TJP1: variants seen among roughly 807,000 people sequenced by gnomAD.
TJP1 encodes the protein tight junction protein ZO-1.
Under a neutral mutation model 194.2 loss-of-function variants are expected in TJP1, and 43 were observed. The ratio of observed to expected loss-of-function variants is 0.22; its 90% confidence interval spans 0.17 to 0.29. TJP1 has a LOEUF of 0.29. Ranked by LOEUF, TJP1 falls within the 10% of genes least tolerant of loss-of-function variation. TJP1 has a pLI of 1.00. For synonymous variants in TJP1, 801 were observed against 779.0 expected, an observed-to-expected ratio of 1.03 and a Z score of -0.47; for missense variants, 1,971 against 2,185.7, an observed-to-expected ratio of 0.90 and a Z score of 1.96.
chr15:29,787,093 T>C (rs923390483), intron 2 of TJP1, among the ~76,000 whole-genome samples: 7 of 152,246 alleles, frequency 4.6e-5, no homozygotes, highest in African/African-American at 1.4e-4. Flanking sequence ...TTGGAGCTGC[T>C]TGACCGATAA....
At chr15:29,847,546 G>A (rs1226543278) in intron 2 of TJP1, among the ~76,000 whole-genome samples, 2 of 152,104 alleles carry the variant, frequency 1.3e-5, no homozygotes, top group Admixed American at 6.6e-5. Flanking sequence ...AGCACTTTGC[G>A]AGGCTGAGGT....
intron 2 of TJP1, among the ~76,000 whole-genome samples, chr15:29,848,791 G>A (rs149757801): frequency 2.8e-3 from 416 of 151,218 alleles, no homozygotes; most frequent in African/African-American, 9.5e-3. Flanking sequence ...CCAGGGAGGC[G>A]GAGGTTGCAG....
chr15:29,710,552 T>C (rs1175700739), intron 24 of TJP1, among the ~76,000 whole-genome samples: 1 of 152,230 alleles, frequency 6.6e-6, no homozygotes, highest in Non-Finnish European at 1.5e-5. Flanking sequence ...TAGTAGGTTT[T>C]ACAAACCATC....
At chr15:29,747,195 G>C (rs943388261) in intron 8 of TJP1, among the ~76,000 whole-genome samples, 1 of 152,144 alleles carries the variant, frequency 6.6e-6, no homozygotes. Context: ...TGAGGCACAA[G>C]AATCGCTTAA....
chr15:29,775,032 ATGAGCAGTGTG>A (rs1385730065), intron 2 of TJP1, among the ~76,000 whole-genome samples: 1 of 151,712 alleles, frequency 6.6e-6, no homozygotes, highest in African/African-American at 2.4e-5. Context: ...GCACACCGTT[ATGAGCAGTGTG>A]ATGAAATATT....
intron 1 of TJP1, among the ~76,000 whole-genome samples, chr15:29,817,605 G>A (rs906938774): frequency 6.6e-6 from 1 of 152,118 alleles, no homozygotes; most frequent in Non-Finnish European, 1.5e-5. Context: ...ATGACAGATT[G>A]GATAAAGAAA....
intron 2 of TJP1, among the ~76,000 whole-genome samples, chr15:29,893,404 C>T (rs952808448): frequency 8.5e-5 from 13 of 152,162 alleles, no homozygotes; most frequent in Non-Finnish European, 1.3e-4. Flanking sequence ...AGAGGACTGG[C>T]TCCAGTTTTG....
intron 5 of TJP1, among the ~76,000 whole-genome samples, chr15:29,764,318 G>A (rs1351105227): frequency 6.6e-6 from 1 of 152,146 alleles, no homozygotes; most frequent in African/African-American, 2.4e-5. Flanking sequence ...TGCATGGGGT[G>A]AGTGACGGCT....
At chr15:29,845,456 A>C (rs2051371387) in intron 2 of TJP1, among the ~76,000 whole-genome samples, 1 of 152,192 alleles carries the variant, frequency 6.6e-6, no homozygotes, top group Non-Finnish European at 1.5e-5. Flanking sequence ...TGGAGTGACA[A>C]GAAGACACAC....
At chr15:29,699,720 T>C (rs1262075647), downstream of TJP1, 4 of 152,310 alleles carry the variant, frequency 2.6e-5, no homozygotes, top group Non-Finnish European at 5.9e-5. Flanking sequence ...ATGTCCACAA[T>C]GGAATATTTA....
intron 22 of TJP1, among the ~76,000 whole-genome samples, chr15:29,717,593 T>C (rs2042644958): frequency 6.6e-6 from 1 of 152,218 alleles, no homozygotes; most frequent in Non-Finnish European, 1.5e-5. Flanking sequence ...CACCTCATTA[T>C]GCTGATGTGC....
Position 29,708,858 on chromosome 15 carries a change from C to CCT in TJP1, c.4550_4551insAG (p.Lys1518GlyfsTer59), listed in dbSNP as rs1466665125. On this transcript the variant is annotated frameshift_variant, in exon 25 of 28. Coordinates refer to ENST00000614355, the MANE Select transcript of TJP1 (RefSeq NM_001330239.4). LOFTEE classifies it high-confidence loss of function. Reference sequence around the variant, plus strand: ...GATTGTATGCTGGAGTGACTGTTTTCTGAGTCTGTTCAGTTCCATTAACTG... The same window carrying CCT: ...GATTGTATGCTGGAGTGACTGTTTTCCTTGAGTCTGTTCAGTTCCATTAACTG... 8.7e-6 allele frequency: 14 copies of CCT among 1,614,126 alleles called. No homozygotes were observed. The highest frequency in any genetic ancestry group is 1.2e-5 in the Non-Finnish European group (14 of 1,180,010).
chr15:29,898,794 A>G (rs1294086855), intron 2 of TJP1, among the ~76,000 whole-genome samples: 1 of 152,230 alleles, frequency 6.6e-6, no homozygotes, highest in Non-Finnish European at 1.5e-5. Flanking sequence ...AAAATTCAAC[A>G]TACTTTTTCA....
rs1428935791 is a variant in TJP1, at chr15:29,705,399, A to C, written c.5068+129T>G. On this transcript the variant is annotated intron_variant, in intron 26 of 27. Coordinates refer to ENST00000614355, the MANE Select transcript of TJP1 (RefSeq NM_001330239.4). ...TTGCTTGCAACACCGTCCCCAGGGC[A>C]CCCCTCGCTACAGCACTCATCTGGA... 4 of 942,626 alleles carry C rather than the reference A, an allele frequency of 4.2e-6. No homozygotes were observed. In the Admixed American group the frequency reaches 1.0e-4, roughly 24 times the overall value. 58.4% of individuals were successfully genotyped at this position (942,626 alleles called of 1,614,324 possible).
chr15:29,781,784 T>G lies in TJP1; in HGVS notation c.85-8427A>C, dbSNP rs146914826. Among the ~76,000 whole-genome samples the G allele has an allele frequency of 2.0e-5, 3 of 152,206 alleles. No individual in the cohort carries two copies. The East Asian group carries it at 5.8e-4, about 29-fold the overall frequency. ...TCAACTCCCTTCATCTTAAGAACTC[T>G]CAATAAACTAGGCATTGAAATTGAA... On this transcript the variant is annotated intron_variant, in intron 2 of 27. Transcript: ENST00000614355.
At chr15:29,932,524 T>A (rs1372107174) in intron 2 of TJP1, among the ~76,000 whole-genome samples, 2 of 151,564 alleles carry the variant, frequency 1.3e-5, no homozygotes, top group Middle Eastern at 3.4e-3. Flanking sequence ...TTTAAAACTT[T>A]AAAAAAAATA....
rs143449810 is a variant in TJP1, at chr15:29,741,322, T to C, written c.1256+9A>G. ...CAAAGAAAACAATACAACTTTAAAA[T>C]TGTATTACCGAAGAATCCCATCTTC... is the stretch of plus-strand genomic sequence containing the variant. On this transcript the variant is annotated intron_variant, in intron 10 of 27. Transcript: ENST00000614355. 6.7e-4 allele frequency: 1,059 copies of C among 1,572,878 alleles called. 11 individuals carry two copies. The highest frequency in any genetic ancestry group is 1.3e-4 in the Non-Finnish European group (153 of 1,157,340).
intron 1 of TJP1, among the ~76,000 whole-genome samples, chr15:29,959,959 A>G (rs940822642): frequency 6.6e-6 from 1 of 152,190 alleles, no homozygotes; most frequent in South Asian, 2.1e-4. Context: ...TCAAAAGAGG[A>G]CATATGGGAA....
chr15:29,914,148 A>G (rs2054108532), intron 2 of TJP1, among the ~76,000 whole-genome samples: 1 of 152,318 alleles, frequency 6.6e-6, no homozygotes, highest in East Asian at 1.9e-4. Flanking sequence ...CGTACAAAAC[A>G]TTTCATATGA....
Sources: gnomAD v4.1 joint callset for allele counts (sites outside exome capture counted in the v4.1 genomes callset) on GRCh38, gnomAD v4.1.1 for gene constraint, MANE v1.5 for transcripts, NCBI Gene and HGNC (gene_info 2026-07-23, HGNC 2026-07-21) for gene names.